Variants in NT5C1B observed in about 807,000 individuals in gnomAD.
The protein encoded by NT5C1B is 5'-nucleotidase, cytosolic IB.
Under a neutral mutation model 57.8 loss-of-function variants are expected in NT5C1B, and 44 were observed. The ratio of observed to expected loss-of-function variants is 0.76; its 90% CI spans 0.60 to 0.98. NT5C1B has a LOEUF of 0.98. Among genes scored for constraint, NT5C1B ranks in the 50% least tolerant of loss-of-function variants. NT5C1B has a pLI of 0.00. For missense variants in NT5C1B, 742 were observed against 719.5 expected (o/e 1.03, Z -0.36); for synonymous variants, 284 against 282.6 (o/e 1.00, Z -0.05).
At chr2:18,568,411 T>C (rs1306717325) in intron 8 of NT5C1B, among the ~76,000 whole-genome samples, 1 of 152,088 alleles carries the variant, frequency 6.6e-6, no homozygotes, top group African/African-American at 2.4e-5. Context: ...AGTAGATTTG[T>C]ACGACATGAA....
chr2:18,575,795 G>T (rs1665615440), intron 8 of NT5C1B, among the ~76,000 whole-genome samples: 1 of 152,130 alleles, frequency 6.6e-6, no homozygotes. Flanking sequence ...TGAAGTCAAG[G>T]ACAGAGATTC....
chr2:18,564,024 C>A, exon 9 of NT5C1B: 1 of 1,614,072 alleles, frequency 6.2e-7, no homozygotes, highest in Admixed American at 1.7e-5. Context: ...TAGCTGTAAC[C>A]AGGTAGGTCC....
chr2:18,587,400 T>C, intron 2 of NT5C1B, 103 bp downstream of exon 2: 1 of 1,549,992 alleles, frequency 6.5e-7, no homozygotes, highest in Non-Finnish European at 8.6e-7. Context: ...AATACAATTC[T>C]CAACAGCTTG....
exon 3 of NT5C1B, chr2:18,586,363 G>A (rs1361007923): frequency 6.2e-7 from 1 of 1,614,106 alleles, no homozygotes; most frequent in Admixed American, 1.7e-5. Flanking sequence ...TCGAGAGTCT[G>A]TCTTCCGCAG....
At chr2:18,565,034 C>T (rs1327797072) in intron 8 of NT5C1B, among the ~76,000 whole-genome samples, 1 of 152,066 alleles carries the variant, frequency 6.6e-6, no homozygotes, top group Non-Finnish European at 1.5e-5. Flanking sequence ...ATTTCTTCTC[C>T]ACCATCTAAT....
At chr2:18,567,494 C>G (rs1360054718) in intron 8 of NT5C1B, among the ~76,000 whole-genome samples, 1 of 152,126 alleles carries the variant, frequency 6.6e-6, no homozygotes, top group Non-Finnish European at 1.5e-5. Context: ...ATGAGGAGAC[C>G]TTCTCTGCAG....
At chr2:18,581,465 G>T (rs368593007) in intron 6 of NT5C1B, among the ~76,000 whole-genome samples, 24 of 151,974 alleles carry the variant, frequency 1.6e-4, no homozygotes, top group African/African-American at 5.6e-4. Context: ...GATAAACTGG[G>T]TAGCTGCACA....
chr2:18,587,621 A>T (rs776716997), intron 1 of NT5C1B, 29 bp from the exon 2 acceptor site: 8 of 1,599,598 alleles, frequency 5.0e-6, no homozygotes, highest in Middle Eastern at 1.7e-4. Context: ...AATGTTTATT[A>T]ATTTTTAATC....
At chr2:18,576,716 A>G in intron 7 of NT5C1B, 57 bp downstream of exon 7, 1 of 1,593,120 alleles carries the variant, frequency 6.3e-7, no homozygotes, top group Non-Finnish European at 8.5e-7. Flanking sequence ...AACTTAATGT[A>G]AGTCACCATT....
chr2:18,589,345 G>T, intron 1 of NT5C1B, 94 bp downstream of exon 1: 1 of 1,522,868 alleles, frequency 6.6e-7, no homozygotes, highest in South Asian at 1.1e-5. Context: ...GAAATTATTT[G>T]ATCATTGCAG....
At chr2:18,581,283 C>T in intron 6 of NT5C1B, among the ~76,000 whole-genome samples, 1 of 151,840 alleles carries the variant, frequency 6.6e-6, no homozygotes, top group East Asian at 1.9e-4. Context: ...CCTAAGATTC[C>T]TTTTTTTTAA....
At chr2:18,568,087 GACACAC>G (rs3046807) in intron 8 of NT5C1B, among the ~76,000 whole-genome samples, 85 of 142,702 alleles carry the variant, frequency 6.0e-4, no homozygotes, top group East Asian at 4.2e-3. Context: ...AATGCTGTGG[GACACAC>G]ACACACACAC....
At chr2:18,563,943 A>C in exon 9 of NT5C1B, 1 of 1,614,194 alleles carries the variant, frequency 6.2e-7, no homozygotes, top group Non-Finnish European at 8.5e-7. Flanking sequence ...CAAGGAAAAG[A>C]GCTTCGTCTA....
intron 6 of NT5C1B, among the ~76,000 whole-genome samples, chr2:18,580,234 A>G (rs1266513784): frequency 6.6e-6 from 1 of 152,242 alleles, no homozygotes; most frequent in African/African-American, 2.4e-5. Context: ...CAGATTTCTC[A>G]ACGAATTTTA....
At chr2:18,563,798 AACT>A in exon 9 of NT5C1B, 1 of 1,540,664 alleles carries the variant, frequency 6.5e-7, no homozygotes, top group East Asian at 2.3e-5. Context: ...CCCTGCCCCT[AACT>A]ACTGAATTTT....
In NT5C1B at chr2:18,584,541, C is replaced by G. The variant is rs750097381; in HGVS notation, c.696G>C (p.Lys232Asn). The change falls in exon 4 of 9, where the codon AAG becomes AAC. Residue 232 changes from lysine (K) to asparagine (N), a missense_variant. By Grantham distance (94) the Lys-to-Asn change is moderately conservative. Coordinates refer to ENST00000304081, the Ensembl canonical transcript of NT5C1B. This position sits in a 1 kb window ranked among gnomAD's most constrained non-coding sequence, Gnocchi z 5.8. The stretch of plus-strand genomic sequence containing the variant: ...GCCAGGGGCGCGAGCAGCTCGGGTT[C>G]TTCTCGTAGAACGACCTCATGGATG... 1 of 1,612,056 alleles carries G rather than the reference C, an allele frequency of 6.2e-7. No individual in the cohort carries two copies. Among genetic ancestry groups the G allele is most frequent in the Non-Finnish European group, 8.5e-7 (1 of 1,179,286 alleles).
chr2:18,568,187 A>G (rs1020914202), intron 8 of NT5C1B, among the ~76,000 whole-genome samples: 1 of 152,136 alleles, frequency 6.6e-6, no homozygotes, highest in Non-Finnish European at 1.5e-5. Flanking sequence ...AGACAAAAAC[A>G]GACACATTAC....
intron 5 of NT5C1B, 38 bp from the exon 6 acceptor site, chr2:18,583,035 A>G: frequency 1.3e-6 from 2 of 1,598,290 alleles, no homozygotes; most frequent in Non-Finnish European, 1.7e-6. Flanking sequence ...AAAGAGGGGC[A>G]GGCAGGGTGG....
rs766665062 is a variant in NT5C1B, at chr2:18,584,199, C to A, written c.780G>T (p.Met260Ile). 6.2e-7 allele frequency: 1 copy of A among 1,614,134 alleles called. No homozygotes were observed. The highest frequency in any genetic ancestry group is 8.5e-7 in the Non-Finnish European group (1 of 1,180,046). ...GCTCGTAGATTTTCCTGCCGTCCAC[C>A]ATGTTGAAGAGCGCGCAGGATGAGA... Residue 260 changes from methionine (M) to isoleucine (I), a missense_variant, in exon 5 of 9, where the codon ATG (methionine) becomes ATT (isoleucine). Met to Ile is a conservative substitution (Grantham distance 10). Coordinates refer to ENST00000304081, the Ensembl canonical transcript of NT5C1B. This position sits in a 1 kb window ranked among gnomAD's most constrained non-coding sequence, Gnocchi z 5.8.
Sources: gnomAD v4.1 joint callset for allele counts (sites outside exome capture counted in the v4.1 genomes callset) on GRCh38, gnomAD v4.1.1 for gene constraint, Gnocchi (gnomAD v3.1) non-coding constraint, MANE v1.5 for transcripts, NCBI Gene and HGNC (gene_info 2026-07-23, HGNC 2026-07-21) for gene names.